Variants in STK10 observed in about 807,000 individuals in gnomAD.
STK10 encodes the protein serine/threonine kinase 10.
Under a neutral mutation model 113.8 loss-of-function variants are expected in STK10, and 78 were observed. The observed-to-expected ratio is 0.69, with a 90% confidence interval of 0.57 to 0.83. The LOEUF is 0.83. STK10 is among the 40% of genes least tolerant of loss of function. The pLI, the probability that STK10 is intolerant of heterozygous loss-of-function variation, is 0.00. For synonymous variants in STK10, 465 were observed against 494.7 expected (o/e 0.94, Z 0.80); for missense variants, 1,109 against 1,280.1 (o/e 0.87, Z 2.04).
intron 2 of STK10, among the ~76,000 whole-genome samples, chr5:172,134,391 C>T (rs1028534541): frequency 3.3e-5 from 5 of 152,042 alleles, no homozygotes; most frequent in African/African-American, 4.8e-5. Flanking sequence ...TATTAAAGAC[C>T]GTACTGCAGT....
At chr5:172,122,613 ATGTT>A (rs200539086) in intron 3 of STK10, among the ~76,000 whole-genome samples, 3 of 151,850 alleles carry the variant, frequency 2.0e-5, no homozygotes. Context: ...GAGACCCAAG[ATGTT>A]TGTTTATTTG....
rs1373982830 is a variant in STK10 at position 172,114,306 on chromosome 5, GTGTGTGTGTA to G, written c.520+3165_520+3174del. Among the ~76,000 whole-genome samples the G allele has an allele frequency of 8.8e-3, 1,289 of 146,830 alleles. 18 individuals carry two copies. The highest frequency in any genetic ancestry group is 0.032 in the African/African-American group (1,190 of 36,966). The stretch of plus-strand genomic sequence containing the variant: ...GCTACTCTCGTGTGTGTGTGTGTGT[GTGTGTGTGTA>G]TGTGTGTTTTCTGATTACCAAAGTC... On this transcript the variant is annotated intron_variant, in intron 4 of 18. Transcript: ENST00000176763.
intron 1 of STK10, among the ~76,000 whole-genome samples, chr5:172,180,059 T>C (rs1459887142): frequency 6.6e-6 from 1 of 152,238 alleles, no homozygotes; most frequent in Non-Finnish European, 1.5e-5. Context: ...GACTTGGGAA[T>C]TGGCTCTCAG....
intron 10 of STK10, among the ~76,000 whole-genome samples, chr5:172,083,925 G>GAAAAAAAAAAAAAAA (rs58326550): frequency 3.5e-5 from 3 of 85,744 alleles, no homozygotes; most frequent in Non-Finnish European, 5.2e-5. Flanking sequence ...ACAAAAAAAA[G>GAAAAAAAAAAAAAAA]AAAAAAAAAA....
At chr5:172,159,827 A>T (rs1279414539) in intron 1 of STK10, among the ~76,000 whole-genome samples, 2 of 150,002 alleles carry the variant, frequency 1.3e-5, no homozygotes, top group Admixed American at 6.7e-5. Context: ...TGTCTCAAAA[A>T]AAATAAATAA....
chr5:172,078,619 TAAAA>T (rs58823824), intron 12 of STK10, among the ~76,000 whole-genome samples: 43 of 72,826 alleles, frequency 5.9e-4, no homozygotes, highest in Admixed American at 1.2e-3. Flanking sequence ...GCCTCATCAT[TAAAA>T]AAAAAAAAAA....
chr5:172,069,129 C>T (rs1306915903), intron 12 of STK10, among the ~76,000 whole-genome samples: 1 of 151,068 alleles, frequency 6.6e-6, no homozygotes, highest in Non-Finnish European at 1.5e-5. Context: ...TCAAATACTT[C>T]AAAAGGAGGT....
rs1768032172 is a variant in STK10, at chr5:172,064,774, C to T, written c.2028G>A (p.Arg676=). The change falls in exon 13 of 19, where the codon CGG becomes CGA. Residue 676 remains arginine (R), a synonymous_variant. Transcript: ENST00000176763. ...NEVEKLPRQQ[R]KESMKQKMEE... is the part of the protein sequence containing the mutation. ...CCATCTTCTGCTTCATGCTTTCCTT[C>T]CGCTGCTGTCGGGGGAGCTTCTCCA... 1 of 1,614,188 alleles carries T rather than the reference C, an allele frequency of 6.2e-7. No homozygotes were observed. The highest frequency in any genetic ancestry group is 1.7e-5 in the Admixed American group (1 of 60,020).
intron 1 of STK10, among the ~76,000 whole-genome samples, chr5:172,180,203 C>T: frequency 6.6e-6 from 1 of 152,386 alleles, no homozygotes; most frequent in East Asian, 1.9e-4. Flanking sequence ...GTGGCTCACG[C>T]CTGTAATCCC....
At chr5:172,053,536 G>A (rs946863770) in intron 17 of STK10, among the ~76,000 whole-genome samples, 1 of 152,232 alleles carries the variant, frequency 6.6e-6, no homozygotes, top group East Asian at 1.9e-4. Flanking sequence ...ACATGGGTGA[G>A]ACTCTTCTAA....
intron 4 of STK10, among the ~76,000 whole-genome samples, chr5:172,110,139 G>C (rs548565666): frequency 6.6e-6 from 1 of 152,180 alleles, no homozygotes; most frequent in African/African-American, 2.4e-5. Flanking sequence ...GAGGACCCTC[G>C]GGGAATCCAC....
chr5:172,169,891 T>C (rs1770634490), intron 1 of STK10, among the ~76,000 whole-genome samples: 1 of 152,134 alleles, frequency 6.6e-6, no homozygotes, highest in South Asian at 2.1e-4. Flanking sequence ...ACTAGCTAAG[T>C]GTGCTTGCGG....
At chr5:172,046,765 T>A (rs1767503839) in intron 18 of STK10, among the ~76,000 whole-genome samples, 1 of 152,222 alleles carries the variant, frequency 6.6e-6, no homozygotes, top group Non-Finnish European at 1.5e-5. Flanking sequence ...TAGTACAAAA[T>A]CAGCCACAGA....
chr5:172,121,006 T>TTTG (rs146370766), intron 3 of STK10, among the ~76,000 whole-genome samples: 2 of 151,720 alleles, frequency 1.3e-5, no homozygotes, highest in African/African-American at 2.4e-5. Context: ...AATTTTGTTT[T>TTTG]TTGTTGTTGT....
At chr5:172,169,001 G>C (rs577074213) in intron 1 of STK10, among the ~76,000 whole-genome samples, 1 of 151,888 alleles carries the variant, frequency 6.6e-6, no homozygotes, top group Non-Finnish European at 1.5e-5. Context: ...CCAGGGTCCC[G>C]CCATTCCCTC....
chr5:172,111,869 T>C (rs1041711831), intron 4 of STK10, among the ~76,000 whole-genome samples: 4 of 152,258 alleles, frequency 2.6e-5, no homozygotes, highest in Non-Finnish European at 5.9e-5. Context: ...CTAAAATGCC[T>C]TTACTCATAT....
At chr5:172,080,837 T>C (rs959861254) in intron 12 of STK10, among the ~76,000 whole-genome samples, 5 of 152,234 alleles carry the variant, frequency 3.3e-5, no homozygotes, top group East Asian at 3.8e-4. Flanking sequence ...GCTAAGATCA[T>C]TGATGAAAGT....
intron 2 of STK10, among the ~76,000 whole-genome samples, chr5:172,147,517 G>A (rs141059784): frequency 1.9e-4 from 29 of 151,982 alleles, no homozygotes; most frequent in African/African-American, 7.0e-4. Context: ...TCAGCCTCCC[G>A]AATAGCTGGG....
chr5:172,101,951 G>A (rs1389550987), intron 7 of STK10, among the ~76,000 whole-genome samples: 1 of 148,230 alleles, frequency 6.7e-6, no homozygotes, highest in Non-Finnish European at 1.5e-5. Context: ...CGAGAGGGGC[G>A]ATGGGGGTCA....
Sources: gnomAD v4.1 joint callset for allele counts (sites outside exome capture counted in the v4.1 genomes callset) on GRCh38, gnomAD v4.1.1 for gene constraint, MANE v1.5 for transcripts, NCBI Gene and HGNC (gene_info 2026-07-23, HGNC 2026-07-21) for gene names.